TTYH2: variants seen among roughly 807,000 people sequenced by gnomAD.
TTYH2 encodes tweety family member 2.
TTYH2 carries 49 observed loss-of-function variants against 68.3 expected under a neutral mutation model. The observed-to-expected ratio is 0.72, with a 90% CI of 0.57 to 0.91. TTYH2 has a LOEUF of 0.91. TTYH2 is among the 40% of genes least tolerant of loss of function. TTYH2 has a pLI of 0.00. For missense variants in TTYH2, 631 were observed against 700.4 expected (o/e 0.90, Z 1.12); for synonymous variants, 272 against 300.8 (o/e 0.90, Z 0.99).
chr17:74,254,756 A>AG (rs2050675934), intron 13 of TTYH2, among the ~76,000 whole-genome samples: 2 of 152,340 alleles, frequency 1.3e-5, no homozygotes, highest in South Asian at 4.1e-4. Context: ...GCAAGAAGAG[A>AG]GGGGGTCTCT....
chr17:74,251,394 G>T (rs2050627912), intron 10 of TTYH2, among the ~76,000 whole-genome samples: 1 of 151,676 alleles, frequency 6.6e-6, no homozygotes, highest in African/African-American at 2.4e-5. Context: ...TGGGGGGTGT[G>T]TGTGCGTGTA....
chr17:74,249,487 G>A, intron 8 of TTYH2, 88 bp downstream of exon 8: 1 of 1,459,186 alleles, frequency 6.9e-7, no homozygotes, highest in Non-Finnish European at 9.5e-7. Flanking sequence ...TGGCGGAGGT[G>A]GCAGGGCCTT....
chr17:74,245,843 GT>G (rs900920440), intron 6 of TTYH2, among the ~76,000 whole-genome samples: 2 of 152,172 alleles, frequency 1.3e-5, no homozygotes, highest in Admixed American at 6.5e-5. Flanking sequence ...TCTGAGGCCT[GT>G]TTTGACAGCC....
intron 12 of TTYH2, 121 bp downstream of exon 12, chr17:74,253,387 C>A: frequency 8.0e-7 from 1 of 1,247,294 alleles, no homozygotes; most frequent in Non-Finnish European, 1.1e-6. Context: ...CCACTACAGC[C>A]ACAGGGTGCC....
Position 74,260,241 on chromosome 17 carries a change from C to G in TTYH2, c.*32C>G, listed in dbSNP as rs372473513. The stretch of plus-strand genomic sequence containing the variant: ...TTCGGGGGTTCCTGCCTCCTTTTTC[C>G]GTTCTGGTTTTTAATTAGTGCAAAT... On this transcript the variant is annotated 3_prime_UTR_variant, in exon 14 of 14. Transcript: ENST00000269346. The G allele has an allele frequency of 6.2e-7, 1 of 1,606,280 alleles. No homozygotes were observed. The highest frequency in any genetic ancestry group is 8.5e-7 in the Non-Finnish European group (1 of 1,173,486).
chr17:74,250,350 T>C lies in TTYH2; in HGVS notation c.1109T>C (p.Leu370Pro). The change falls in exon 10 of 14, where the codon CTG becomes CCG. Residue 370 changes from leucine to proline, a missense_variant. Physicochemically the swap from Leu to Pro is moderately conservative, Grantham distance 98 (BLOSUM62 -3). Coordinates refer to ENST00000269346, the MANE Select transcript of TTYH2 (RefSeq NM_032646.6). ...QLTAMVDCRG[L>P]HKDYLDALAG... The stretch of plus-strand genomic sequence containing the variant: ...ACCGCCATGGTGGACTGCCGAGGGC[T>C]GCACAAGGTGCATGGGGACCCTGGG... 1 of 1,612,842 alleles carries C rather than the reference T, an allele frequency of 6.2e-7. No individual in the cohort carries two copies. The highest frequency in any genetic ancestry group is 1.1e-5 in the South Asian group (1 of 90,750).
intron 11 of TTYH2, 100 bp from the exon 12 acceptor site, chr17:74,252,979 CAG>C: frequency 7.8e-7 from 1 of 1,278,792 alleles, no homozygotes. Flanking sequence ...CACGCGTGGC[CAG>C]AGAGTCCTGG....
Position 74,225,956 on chromosome 17 carries a change from G to T in TTYH2, c.302+3299G>T, listed in dbSNP as rs190691593. Among the ~76,000 whole-genome samples the T allele has an allele frequency of 1.3e-4, 20 of 152,352 alleles. No individual in the cohort carries two copies. The East Asian group carries it at 3.9e-3, about 29-fold the overall frequency. On this transcript the variant is annotated intron_variant, in intron 2 of 13. Coordinates refer to ENST00000269346, the MANE Select transcript of TTYH2 (RefSeq NM_032646.6). Reference sequence around the variant, plus strand: ...GCAGCGGGCTTACACCTGGGCGTGGGCAGTGACCAGAGGGGAGTGCCCAGA... The same window carrying T: ...GCAGCGGGCTTACACCTGGGCGTGGTCAGTGACCAGAGGGGAGTGCCCAGA...
At chr17:74,219,403 A>AAAAAAAAAAG (rs1241503126) in intron 1 of TTYH2, among the ~76,000 whole-genome samples, 5 of 149,640 alleles carry the variant, frequency 3.3e-5, no homozygotes, top group African/African-American at 1.3e-4. Context: ...AAAAAAAAAA[A>AAAAAAAAAAG]GAATAACTTA....
chr17:74,255,101 G>A (rs8078051), intron 13 of TTYH2, among the ~76,000 whole-genome samples: 6,419 of 152,310 alleles, frequency 0.042, 416 homozygotes, highest in African/African-American at 0.14. Flanking sequence ...AGAAATACTG[G>A]CTGAGACAAA....
At chr17:74,231,106 G>A (rs1211167157) in intron 3 of TTYH2, 107 bp downstream of exon 3, 7 of 1,064,934 alleles carry the variant, frequency 6.6e-6, no homozygotes, top group Non-Finnish European at 9.7e-6. Flanking sequence ...CACACGGAGG[G>A]GCTGTGTGAC....
At chr17:74,245,419 T>A (rs2050547423) in intron 6 of TTYH2, among the ~76,000 whole-genome samples, 1 of 152,192 alleles carries the variant, frequency 6.6e-6, no homozygotes, top group Non-Finnish European at 1.5e-5. Context: ...CACGGCGAAC[T>A]CCTCCAGGGC....
chr17:74,221,540 C>T (rs1161037796), intron 1 of TTYH2, among the ~76,000 whole-genome samples: 1 of 152,222 alleles, frequency 6.6e-6, no homozygotes, highest in East Asian at 1.9e-4. Context: ...GCATGGGAAG[C>T]AGGGGCGGCT....
At chr17:74,235,860 C>T (rs964876610) in intron 3 of TTYH2, among the ~76,000 whole-genome samples, 2 of 148,934 alleles carry the variant, frequency 1.3e-5, no homozygotes, top group Admixed American at 1.3e-4. Context: ...CACCACTGCA[C>T]TCCAGCCTGG....
At position 74,213,988 on chromosome 17, in the gene TTYH2, C is replaced by A. The variant is rs1479150389; in HGVS notation, c.129+272C>A. On this transcript the variant is annotated intron_variant, in intron 1 of 13. Coordinates refer to ENST00000269346, the MANE Select transcript of TTYH2 (RefSeq NM_032646.6). The surrounding 1 kb of genome is among the most constrained non-coding windows in gnomAD (Gnocchi z 6.1). ...GGGAGGAAGGGCGCAAGACCGCCTG[C>A]GGGGTGAGGGGCTGAACGCTGAGCG... 6.6e-6 allele frequency among the ~76,000 whole-genome samples: 1 copy of A among 151,146 alleles called. No individual in the cohort carries two copies. The highest frequency in any genetic ancestry group is 1.5e-5 in the Non-Finnish European group (1 of 67,752).
intron 4 of TTYH2, 98 bp from the exon 5 acceptor site, chr17:74,243,276 T>A: frequency 1.0e-6 from 1 of 983,382 alleles, no homozygotes; most frequent in Non-Finnish European, 1.6e-6. Context: ...TAGTAGAGGG[T>A]CCAGTGTGTC....
chr17:74,228,775 T>C (rs916992399), intron 2 of TTYH2, among the ~76,000 whole-genome samples: 1 of 152,206 alleles, frequency 6.6e-6, no homozygotes, highest in Admixed American at 6.5e-5. Flanking sequence ...GCATGACCCC[T>C]GCTGCGCTCA....
intron 13 of TTYH2, among the ~76,000 whole-genome samples, chr17:74,259,906 G>T (rs1419704137): frequency 6.6e-6 from 1 of 152,180 alleles, no homozygotes; most frequent in Non-Finnish European, 1.5e-5. Context: ...GGATGCTGGG[G>T]GTGTGTGCTG....
At chr17:74,224,706 C>T (rs1388914426) in intron 2 of TTYH2, among the ~76,000 whole-genome samples, 1 of 152,082 alleles carries the variant, frequency 6.6e-6, no homozygotes, top group Admixed American at 6.5e-5. Context: ...ATCATTGCAA[C>T]TAAAGAGAGA....
Sources: gnomAD v4.1 joint callset for allele counts (sites outside exome capture counted in the v4.1 genomes callset) on GRCh38, gnomAD v4.1.1 for gene constraint, Gnocchi (gnomAD v3.1) non-coding constraint, MANE v1.5 for transcripts, NCBI Gene and HGNC (gene_info 2026-07-23, HGNC 2026-07-21) for gene names.